The following MSH3 variants were observed in gnomAD, a reference collection of about 807,000 sequenced individuals.
The protein encoded by MSH3 is DNA mismatch repair protein Msh3.
Under a neutral mutation model 123.3 loss-of-function variants are expected in MSH3, and 106 were observed. The ratio of observed to expected loss-of-function variants is 0.86; its 90% CI spans 0.73 to 1.01. MSH3 has a LOEUF of 1.01. Among genes scored for constraint, MSH3 ranks in the 50% least tolerant of loss-of-function variants. The pLI, the probability that MSH3 is intolerant of heterozygous loss-of-function variation, is 0.00. For synonymous variants in MSH3, 515 were observed against 481.4 expected (o/e 1.07, Z -0.91); for missense variants, 1,459 against 1,347.6 (o/e 1.08, Z -1.29).
chr5:80,701,680 C>T (rs554858411), intron 8 of MSH3, among the ~76,000 whole-genome samples: 1 of 152,308 alleles, frequency 6.6e-6, no homozygotes, highest in South Asian at 2.1e-4. Context: ...GTTCAGAGCT[C>T]CTCTGGGCTT....
chr5:80,668,357 C>T (rs1749618282), intron 3 of MSH3, among the ~76,000 whole-genome samples: 1 of 152,164 alleles, frequency 6.6e-6, no homozygotes, highest in African/African-American at 2.4e-5. Context: ...TCACCCGGAC[C>T]TGACCCTTTC....
rs746233320 is a variant in MSH3, at chr5:80,768,878, C to G, written c.2128C>G (p.Pro710Ala). Residue 710 changes from proline to alanine, a missense_variant, in exon 15 of 24, where the codon CCT becomes GCT. Physicochemically the swap from Pro to Ala is conservative, Grantham distance 27. Coordinates refer to ENST00000265081, the MANE Select transcript of MSH3 (RefSeq NM_002439.5). Reference sequence around the variant, plus strand: ...ATTATTTAAAGACCTTTCTGACTTCCCTTTAATAAAAAAGAGGAAGGATGA... The same window carrying G: ...ATTATTTAAAGACCTTTCTGACTTCGCTTTAATAAAAAAGAGGAAGGATGA... ...TELFKDLSDF[P>A]LIKKRKDEIQ... 1 of 1,611,290 alleles carries G rather than the reference C, an allele frequency of 6.2e-7. No individual in the cohort carries two copies. The highest frequency in any genetic ancestry group is 2.2e-5 in the East Asian group (1 of 44,698).
intron 20 of MSH3, among the ~76,000 whole-genome samples, chr5:80,825,511 GA>G (rs1745277777): frequency 6.6e-6 from 1 of 151,816 alleles, no homozygotes; most frequent in South Asian, 2.1e-4. Flanking sequence ...TTCTTGATAT[GA>G]TGCCAATTTT....
At chr5:80,671,810 A>C (rs929380939) in intron 4 of MSH3, among the ~76,000 whole-genome samples, 1 of 152,054 alleles carries the variant, frequency 6.6e-6, no homozygotes, top group Admixed American at 6.5e-5. Context: ...TTCTCTTTTT[A>C]CTTTTTCAAT....
At chr5:80,806,208 C>G (rs1439953778) in intron 19 of MSH3, among the ~76,000 whole-genome samples, 1 of 152,070 alleles carries the variant, frequency 6.6e-6, no homozygotes, top group East Asian at 1.9e-4. Context: ...AAGTGATTCT[C>G]CTGCCTCAGC....
At chr5:80,720,229 A>C (rs1751051542) in intron 8 of MSH3, among the ~76,000 whole-genome samples, 1 of 151,998 alleles carries the variant, frequency 6.6e-6, no homozygotes, top group African/African-American at 2.4e-5. Context: ...ATTTTACTAG[A>C]TTACTTACTG....
intron 20 of MSH3, among the ~76,000 whole-genome samples, chr5:80,817,025 T>C (rs1374164875): frequency 6.6e-6 from 1 of 152,092 alleles, no homozygotes; most frequent in Non-Finnish European, 1.5e-5. Flanking sequence ...TTTGTGTACG[T>C]GATTGGGTGT....
Position 80,654,692 on chromosome 5 carries a change from C to T in MSH3, c.-36C>T, listed in dbSNP as rs764303681. The T allele has an allele frequency of 2.6e-5, 40 of 1,567,050 alleles. No homozygotes were observed. The highest frequency in any genetic ancestry group is 3.4e-5 in the Non-Finnish European group (39 of 1,157,570). Reference sequence around the variant, plus strand: ...GCGGCCGCGGGCTCGCGCTCCTCGCCAGGCCCTGCCGCCGGGCTGCCATCC... The same window carrying T: ...GCGGCCGCGGGCTCGCGCTCCTCGCTAGGCCCTGCCGCCGGGCTGCCATCC... On this transcript the variant is annotated 5_prime_UTR_variant, in exon 1 of 24. Coordinates refer to ENST00000265081, the MANE Select transcript of MSH3 (RefSeq NM_002439.5).
chr5:80,696,276 A>G (rs1185579474), intron 8 of MSH3, among the ~76,000 whole-genome samples: 1 of 152,162 alleles, frequency 6.6e-6, no homozygotes, highest in Non-Finnish European at 1.5e-5. Context: ...TTGCTACTGT[A>G]TGGCTGACAC....
intron 7 of MSH3, among the ~76,000 whole-genome samples, chr5:80,676,170 A>G (rs1316690138): frequency 6.6e-6 from 1 of 152,166 alleles, no homozygotes; most frequent in Non-Finnish European, 1.5e-5. Flanking sequence ...AGCTGGGACT[A>G]CAGTCACCCA....
Position 80,768,044 on chromosome 5 carries a change from AC to A in MSH3, c.2010del (p.Val671LeufsTer3). 1 of 1,613,770 alleles carries A rather than the reference AC, an allele frequency of 6.2e-7. No individual in the cohort carries two copies. The highest frequency in any genetic ancestry group is 8.5e-7 in the Non-Finnish European group (1 of 1,179,786). ...CCACATTCAGTCAGACTTGCTCCGGACCGTTATTTTAGAAATTCCTGAACTC... is the reference window on the plus strand; with the variant it reads ...CCACATTCAGTCAGACTTGCTCCGGACGTTATTTTAGAAATTCCTGAACTC... ...NSHIQSDLLR[T>X]VILEIPELLS... On this transcript the variant is annotated frameshift_variant, in exon 14 of 24. Transcript: ENST00000265081. LOFTEE classifies it high-confidence loss of function.
At chr5:80,796,267 T>C (rs1744697303) in intron 19 of MSH3, among the ~76,000 whole-genome samples, 1 of 152,160 alleles carries the variant, frequency 6.6e-6, no homozygotes, top group Non-Finnish European at 1.5e-5. Context: ...AAGCAAGATT[T>C]GAAGAACTAA....
At chr5:80,834,916 C>G (rs1366635126) in intron 20 of MSH3, among the ~76,000 whole-genome samples, 2 of 152,142 alleles carry the variant, frequency 1.3e-5, no homozygotes, top group African/African-American at 4.8e-5. Context: ...AAGTATTTGT[C>G]TCTTGTCTGC....
intron 20 of MSH3, among the ~76,000 whole-genome samples, chr5:80,833,141 G>A (rs1250281265): frequency 6.6e-6 from 1 of 152,080 alleles, no homozygotes; most frequent in East Asian, 1.9e-4. Flanking sequence ...AGGCGAGGAG[G>A]GGAGTAGGGG....
chr5:80,738,014 A>G (rs141982378), intron 10 of MSH3, among the ~76,000 whole-genome samples: 8 of 152,330 alleles, frequency 5.3e-5, no homozygotes, highest in Admixed American at 5.2e-4. Context: ...AAGAAAAGAC[A>G]AAAACACCCA....
rs568543335 is a variant in MSH3, at chr5:80,872,784, G to A, written c.3131-332G>A. Among the ~76,000 whole-genome samples the A allele has an allele frequency of 9.2e-5, 14 of 152,246 alleles. No individual in the cohort carries two copies. The East Asian group carries it at 2.3e-3, about 25-fold the overall frequency. On this transcript the variant is annotated intron_variant, in intron 22 of 23. Coordinates refer to ENST00000265081, the MANE Select transcript of MSH3 (RefSeq NM_002439.5). ...ATTGTGCCACTGCACTCCAGCCTAG[G>A]TAATAGAACAAGACCCTATCTCTAA... is the stretch of plus-strand genomic sequence containing the variant.
chr5:80,822,985 C>A (rs1014313131), intron 20 of MSH3, among the ~76,000 whole-genome samples: 2 of 152,180 alleles, frequency 1.3e-5, no homozygotes, highest in African/African-American at 4.8e-5. Context: ...ATCAAACATA[C>A]TAGTTTTTTA....
In MSH3 at chr5:80,768,865, C is replaced by T. The variant is rs575812929; in HGVS notation, c.2115C>T (p.Asp705=). 29 of 1,610,452 alleles carry T rather than the reference C, an allele frequency of 1.8e-5. No homozygotes were observed. Among genetic ancestry groups the T allele is most frequent in the Non-Finnish European group, 2.5e-5 (29 of 1,177,218 alleles). ...KVGDKTELFK[D]LSDFPLIKKR... is the part of the protein sequence containing the mutation. The stretch of plus-strand genomic sequence containing the variant: ...GGGATAAAACTGAATTATTTAAAGA[C>T]CTTTCTGACTTCCCTTTAATAAAAA... Residue 705 remains aspartate (D), a synonymous_variant, in exon 15 of 24, where the codon GAC becomes GAT. Transcript: ENST00000265081.
chr5:80,674,614 C>G (rs1432521274), intron 6 of MSH3, among the ~76,000 whole-genome samples: 1 of 152,152 alleles, frequency 6.6e-6, no homozygotes, highest in Non-Finnish European at 1.5e-5. Flanking sequence ...CTCTTTATAT[C>G]TTAGGAAAGA....
Sources: allele counts gnomAD v4.1 joint callset (sites outside exome capture counted in the v4.1 genomes callset), GRCh38; gene constraint gnomAD v4.1.1; transcripts MANE v1.5; gene names NCBI Gene and HGNC (gene_info 2026-07-23, HGNC 2026-07-21).